The following EPB41L3 variants were observed in gnomAD, a reference collection of about 807,000 sequenced individuals.
EPB41L3 encodes the protein band 4.1-like protein 3.
In EPB41L3, 57 loss-of-function variants were observed where a neutral mutation model predicts 127.1. The ratio of observed to expected loss-of-function variants is 0.45; its 90% CI spans 0.36 to 0.56. The LOEUF (loss-of-function observed/expected upper bound fraction) is 0.56. Ranked by LOEUF, EPB41L3 falls within the 20% of genes least tolerant of loss-of-function variation. EPB41L3 has a pLI of 0.00. For synonymous variants in EPB41L3, 572 were observed against 549.5 expected (o/e 1.04, Z -0.57); for missense variants, 1,273 against 1,372.2 (o/e 0.93, Z 1.14).
chr18:5,513,380 G>GA (rs2092623099), intron 1 of EPB41L3, among the ~76,000 whole-genome samples: 1 of 152,050 alleles, frequency 6.6e-6, no homozygotes, highest in Admixed American at 6.5e-5. Flanking sequence ...GAAGTACCTA[G>GA]AAAAAAGGAA....
chr18:5,541,252 CAAAAAAAAAAAA>C lies in EPB41L3; in HGVS notation c.-12+2649_-12+2660del, dbSNP rs370717420. Among the ~76,000 whole-genome samples, 18 of 46,768 alleles carry C rather than the reference CAAAAAAAAAAAA, an allele frequency of 3.8e-4. No individual in the cohort carries two copies. The South Asian group carries it at 0.012, about 32-fold the overall frequency. The allele number at this position is 46,768 out of a possible 152,430, so 30.7% of individuals were successfully genotyped here. A position where few individuals can be genotyped will look rare whatever the true frequency, so the allele number is the denominator to read the frequency against. On this transcript the variant is annotated intron_variant, in intron 1 of 22. Transcript: ENST00000341928. ...TGGGTGACACAGAAGGACTCCATCT[CAAAAAAAAAAAA>C]AAAAAAAAAAAAAGTCTCTCTCTTC...
upstream of EPB41L3, among the ~76,000 whole-genome samples, chr18:5,547,867 T>C (rs2093906475): frequency 6.6e-6 from 1 of 152,202 alleles, no homozygotes; most frequent in South Asian, 2.1e-4. Flanking sequence ...TTGACAGCCA[T>C]GTTGTCAGCC....
chr18:5,552,187 A>G (rs2093976144), intron 3 of EPB41L3, among the ~76,000 whole-genome samples: 1 of 152,248 alleles, frequency 6.6e-6, no homozygotes. Flanking sequence ...TTTGCTTGGC[A>G]GTGCCTGCCA....
At chr18:5,505,377 A>C (rs1488030786) in intron 1 of EPB41L3, among the ~76,000 whole-genome samples, 1 of 152,038 alleles carries the variant, frequency 6.6e-6, no homozygotes, top group Non-Finnish European at 1.5e-5. Flanking sequence ...CTACCTTCAG[A>C]ATATCTCCAG....
intron 3 of EPB41L3, chr18:5,577,729 T>C (rs2094350454): frequency 6.4e-6 from 1 of 156,442 alleles, no homozygotes; most frequent in African/African-American, 2.4e-5. Flanking sequence ...CTATGACCAC[T>C]GGCTTCTGAG....
chr18:5,460,471 A>G (rs1278123148), intron 3 of EPB41L3, among the ~76,000 whole-genome samples: 3 of 152,170 alleles, frequency 2.0e-5, no homozygotes, highest in Non-Finnish European at 4.4e-5. Context: ...ATACACATAG[A>G]TATGTATTTG....
intron 1 of EPB41L3, among the ~76,000 whole-genome samples, chr18:5,541,638 TA>T (rs1023618801): frequency 4.6e-5 from 7 of 151,322 alleles, no homozygotes; most frequent in East Asian, 3.9e-4. Flanking sequence ...CCGATCAAGT[TA>T]AAAAAAATCC....
At chr18:5,410,451 A>C in intron 14 of EPB41L3, 115 bp downstream of exon 14, 1 of 720,294 alleles carries the variant, frequency 1.4e-6, no homozygotes, top group Non-Finnish European at 2.5e-6. Context: ...CCAACTGTTA[A>C]AGTTAGAACT....
At chr18:5,567,039 C>A (rs914775728) in intron 3 of EPB41L3, 3 of 152,360 alleles carry the variant, frequency 2.0e-5, no homozygotes, top group Admixed American at 6.5e-5. Flanking sequence ...CTCCTGACAT[C>A]AAGTGATCTG....
At chr18:5,521,419 C>A (rs2092983887) in intron 1 of EPB41L3, 1 of 152,132 alleles carries the variant, frequency 6.6e-6, no homozygotes, top group African/African-American at 2.4e-5. Context: ...TAGCTTAGTA[C>A]CAAATGCCAG....
At chr18:5,558,013 A>G (rs1434177899) in intron 3 of EPB41L3, among the ~76,000 whole-genome samples, 1 of 152,248 alleles carries the variant, frequency 6.6e-6, no homozygotes, top group Non-Finnish European at 1.5e-5. Flanking sequence ...CTTCATTCAC[A>G]ATAGCAACTA....
chr18:5,574,496 C>T (rs973178475), intron 3 of EPB41L3, among the ~76,000 whole-genome samples: 8 of 148,678 alleles, frequency 5.4e-5, no homozygotes, highest in Admixed American at 3.4e-4. Context: ...TAAGTGTAAT[C>T]TTCCTAATTT....
At chr18:5,622,781 C>A (rs4798381) in intron 1 of EPB41L3, among the ~76,000 whole-genome samples, 1 of 151,802 alleles carries the variant, frequency 6.6e-6, no homozygotes, top group Non-Finnish European at 1.5e-5. Flanking sequence ...TTTAGCTCTG[C>A]AGAATGCTGT....
intron 2 of EPB41L3, among the ~76,000 whole-genome samples, chr18:5,481,821 G>A (rs1353811391): frequency 1.3e-5 from 2 of 152,180 alleles, no homozygotes; most frequent in Admixed American, 1.3e-4. Flanking sequence ...CATCGCTTAC[G>A]AGAGCCAAGG....
At chr18:5,607,602 A>G (rs566667592) in intron 3 of EPB41L3, among the ~76,000 whole-genome samples, 4 of 152,314 alleles carry the variant, frequency 2.6e-5, no homozygotes, top group South Asian at 2.1e-4. Flanking sequence ...TTGCAGGTAC[A>G]AGGGTTTGTC....
At chr18:5,529,577 C>T (rs1321881606) in intron 1 of EPB41L3, among the ~76,000 whole-genome samples, 5 of 152,154 alleles carry the variant, frequency 3.3e-5, no homozygotes, top group Non-Finnish European at 7.3e-5. Context: ...CCAACATCAG[C>T]GTGGCTAAAT....
At position 5,443,866 on chromosome 18, in the gene EPB41L3, AGG is replaced by A. The variant is rs1296475172; in HGVS notation, c.499_500del (p.Pro167CysfsTer2). Reference sequence around the variant, plus strand: ...GAACCTGTTTTTTTATTTCCTTAGCAGGGTCCAACCAATTCTGAAAAGGAAAT... The same window carrying A: ...GAACCTGTTTTTTTATTTCCTTAGCAGTCCAACCAATTCTGAAAAGGAAAT... ...DAENQKNWLD[P>X]AKEIKKQVRS... is the part of the protein sequence containing the mutation. On this transcript the variant is annotated frameshift_variant, in exon 5 of 23. Coordinates refer to ENST00000341928, the MANE Select transcript of EPB41L3 (RefSeq NM_012307.5). LOFTEE classifies it high-confidence loss of function. 1 of 1,609,158 alleles carries A rather than the reference AGG, an allele frequency of 6.2e-7. No homozygotes were observed.
At chr18:5,516,608 T>C (rs1381967415) in intron 1 of EPB41L3, among the ~76,000 whole-genome samples, 1 of 152,266 alleles carries the variant, frequency 6.6e-6, no homozygotes, top group Non-Finnish European at 1.5e-5. Context: ...CACAGCTATA[T>C]GACTGTCGTG....
chr18:5,606,904 C>G (rs1246412720), intron 3 of EPB41L3, among the ~76,000 whole-genome samples: 1 of 151,662 alleles, frequency 6.6e-6, no homozygotes, highest in South Asian at 2.1e-4. Flanking sequence ...CTCTCTCTCT[C>G]TCTCTCTCTC....
Sources: gnomAD v4.1 joint callset for allele counts (sites outside exome capture counted in the v4.1 genomes callset) on GRCh38, gnomAD v4.1.1 for gene constraint, MANE v1.5 for transcripts, NCBI Gene and HGNC (gene_info 2026-07-23, HGNC 2026-07-21) for gene names.